Variants in SNAP91 observed in about 807,000 individuals in gnomAD.
SNAP91 encodes synaptosome associated protein 91, also known as clathrin coat assembly protein AP180.
SNAP91 carries 27 observed loss-of-function variants against 100.3 expected under a neutral mutation model. The ratio of observed to expected loss-of-function variants is 0.27; its 90% confidence interval spans 0.20 to 0.37. The LOEUF (loss-of-function observed/expected upper bound fraction) is 0.37. SNAP91 is among the 10% of genes least tolerant of loss of function. The probability of loss-of-function intolerance (pLI) is 1.00; values close to 1 mark genes in which losing one functional copy is unlikely to be tolerated. For synonymous variants in SNAP91, 404 were observed against 398.6 expected, an observed-to-expected ratio of 1.01 and a Z score of -0.16; for missense variants, 986 against 1,123.7, an observed-to-expected ratio of 0.88 and a Z score of 1.75.
chr6:83,651,901 C>A (rs2098224314), intron 7 of SNAP91, among the ~76,000 whole-genome samples: 1 of 152,042 alleles, frequency 6.6e-6, no homozygotes, highest in Non-Finnish European at 1.5e-5. Flanking sequence ...GCAGTTTTTG[C>A]CACACATATT....
Position 83,575,138 on chromosome 6 carries a change from A to C in SNAP91, c.2331-17T>G. On this transcript the variant is annotated splice_polypyrimidine_tract_variant and intron_variant, in intron 25 of 29. Coordinates refer to ENST00000369694, the MANE Select transcript of SNAP91 (RefSeq NM_001242792.2). ...AGATCTCCCCTAAAATTAACCATGC[A>C]AAACAAGCAAACAAACAAAAAATCA... 6.5e-7 allele frequency: 1 copy of C among 1,533,844 alleles called. No homozygotes were observed.
chr6:83,618,737 T>C (rs1003813200), intron 9 of SNAP91, among the ~76,000 whole-genome samples: 11 of 151,940 alleles, frequency 7.2e-5, no homozygotes, highest in African/African-American at 2.7e-4. Context: ...GGTCTGGGCA[T>C]ATAAACTTTT....
rs201906042 is a variant in SNAP91 at position 83,694,813 on chromosome 6, TTC to T, written c.130+12983_130+12984del. On this transcript the variant is annotated intron_variant, in intron 2 of 29. Transcript: ENST00000369694. ...ATATTGGTTACAAGGGCCAAAATGC[TTC>T]TCTTTTTGCCAAAACTATTTTGATC... Among the ~76,000 whole-genome samples, 902 of 152,270 alleles carry T rather than the reference TTC, an allele frequency of 5.9e-3. 8 individuals are homozygous for T. Among genetic ancestry groups the T allele is most frequent in the African/African-American group, 0.021 (871 of 41,556 alleles).
chr6:83,685,083 T>C (rs1212380416), intron 2 of SNAP91, among the ~76,000 whole-genome samples: 1 of 152,222 alleles, frequency 6.6e-6, no homozygotes, highest in Non-Finnish European at 1.5e-5. Flanking sequence ...TGTCCCTCAG[T>C]GTCTAAACAA....
chr6:83,582,159 T>G, intron 23 of SNAP91, 63 bp downstream of exon 23: 1 of 1,568,656 alleles, frequency 6.4e-7, no homozygotes, highest in Admixed American at 1.7e-5. Flanking sequence ...ATACTAACCT[T>G]AGGTAGTACT....
chr6:83,650,004 C>T (rs1405970853), intron 7 of SNAP91, among the ~76,000 whole-genome samples: 3 of 151,958 alleles, frequency 2.0e-5, no homozygotes, highest in South Asian at 4.2e-4. Context: ...AGTTGTTCTA[C>T]TATAATTTGT....
At chr6:83,581,410 T>C (rs1350375468) in intron 23 of SNAP91, among the ~76,000 whole-genome samples, 1 of 152,220 alleles carries the variant, frequency 6.6e-6, no homozygotes, top group Non-Finnish European at 1.5e-5. Context: ...CCAAATAAGT[T>C]ACTAATTGTT....
chr6:83,679,921 AT>A (rs893600249), intron 2 of SNAP91, among the ~76,000 whole-genome samples: 10 of 150,890 alleles, frequency 6.6e-5, no homozygotes, highest in African/African-American at 1.5e-4. Context: ...GTCCACTTAC[AT>A]TTTTTTTTCA....
chr6:83,636,691 G>T (rs1162798014), intron 8 of SNAP91, among the ~76,000 whole-genome samples: 1 of 152,158 alleles, frequency 6.6e-6, no homozygotes, highest in Non-Finnish European at 1.5e-5. Flanking sequence ...AGGATTCATT[G>T]CTAGGGAGCT....
At chr6:83,706,543 A>G (rs1050855429) in intron 2 of SNAP91, among the ~76,000 whole-genome samples, 13 of 152,256 alleles carry the variant, frequency 8.5e-5, no homozygotes, top group African/African-American at 3.1e-4. Context: ...ATTCAATTCT[A>G]TGAGACAACA....
At chr6:83,668,770 C>A (rs1013042312) in intron 2 of SNAP91, among the ~76,000 whole-genome samples, 4 of 151,874 alleles carry the variant, frequency 2.6e-5, no homozygotes, top group Admixed American at 2.6e-4. Context: ...CTCACATACA[C>A]AAAAGCTTTT....
chr6:83,676,122 A>C (rs2098887796), intron 2 of SNAP91, among the ~76,000 whole-genome samples: 1 of 152,046 alleles, frequency 6.6e-6, no homozygotes, highest in African/African-American at 2.4e-5. Flanking sequence ...AAAAAAAAAA[A>C]AAAGAATGTG....
intron 2 of SNAP91, among the ~76,000 whole-genome samples, chr6:83,683,074 C>G (rs1462640651): frequency 1.3e-5 from 2 of 152,070 alleles, no homozygotes; most frequent in East Asian, 1.9e-4. Context: ...CCACCCTATT[C>G]TGTGTGTCAA....
At chr6:83,627,191 A>C (rs117560488) in intron 8 of SNAP91, among the ~76,000 whole-genome samples, 1 of 152,132 alleles carries the variant, frequency 6.6e-6, no homozygotes, top group Non-Finnish European at 1.5e-5. Context: ...GCATCCTAGG[A>C]ATAAAGCCCA....
intron 2 of SNAP91, among the ~76,000 whole-genome samples, chr6:83,666,975 T>C (rs1430997849): frequency 6.6e-6 from 1 of 152,056 alleles, no homozygotes; most frequent in African/African-American, 2.4e-5. Context: ...AATGTCTGTT[T>C]CACATACAAC....
At chr6:83,694,919 A>T (rs1422333107) in intron 2 of SNAP91, among the ~76,000 whole-genome samples, 1 of 152,154 alleles carries the variant, frequency 6.6e-6, no homozygotes, top group Non-Finnish European at 1.5e-5. Flanking sequence ...TTCAACTGAC[A>T]GACAATATTT....
chr6:83,607,252 C>A (rs780164228), intron 13 of SNAP91, among the ~76,000 whole-genome samples: 13 of 151,940 alleles, frequency 8.6e-5, no homozygotes, highest in Non-Finnish European at 1.6e-4. Context: ...TAGGAATACC[C>A]CAAAGGCCTC....
chr6:83,640,340 T>C (rs561217885), intron 8 of SNAP91, among the ~76,000 whole-genome samples: 10 of 152,320 alleles, frequency 6.6e-5, no homozygotes, highest in Non-Finnish European at 1.5e-5. Flanking sequence ...CACAGCATTG[T>C]ATGGTTTGCT....
chr6:83,557,177 T>G (rs916652220), intron 28 of SNAP91, among the ~76,000 whole-genome samples: 1 of 152,148 alleles, frequency 6.6e-6, no homozygotes, highest in Non-Finnish European at 1.5e-5. Flanking sequence ...GTTTATAGAG[T>G]AATAGTTGAC....
Sources: gnomAD v4.1 joint callset for allele counts (sites outside exome capture counted in the v4.1 genomes callset) on GRCh38, gnomAD v4.1.1 for gene constraint, MANE v1.5 for transcripts, NCBI Gene and HGNC (gene_info 2026-07-23, HGNC 2026-07-21) for gene names.